CRACD: variants seen among roughly 807,000 people sequenced by gnomAD.
CRACD encodes the protein capping protein-inhibiting regulator of actin dynamics.
A neutral mutation model predicts 106.8 loss-of-function variants in CRACD; 56 were observed. The ratio of observed to expected loss-of-function variants is 0.52; its 90% CI spans 0.42 to 0.66. The LOEUF (loss-of-function observed/expected upper bound fraction) is 0.66. CRACD is among the 30% of genes least tolerant of loss of function. The pLI, the probability that CRACD is intolerant of heterozygous loss-of-function variation, is 0.00. For missense variants in CRACD, 1,730 were observed against 1,623.2 expected (o/e 1.07, Z -1.13); for synonymous variants, 754 against 670.8 (o/e 1.12, Z -1.92).
intron 2 of CRACD, among the ~76,000 whole-genome samples, chr4:56,218,781 T>G (rs949117140): frequency 6.6e-6 from 1 of 152,028 alleles, no homozygotes; most frequent in African/African-American, 2.4e-5. Flanking sequence ...CCTAGAAATT[T>G]TCTTCCTATG....
At chr4:56,295,855 T>C (rs1743991163) in intron 3 of CRACD, among the ~76,000 whole-genome samples, 1 of 152,020 alleles carries the variant, frequency 6.6e-6, no homozygotes, top group Non-Finnish European at 1.5e-5. Flanking sequence ...GTTTATTTCA[T>C]AACATTTTTA....
At chr4:56,189,667 C>A (rs1175769071) in intron 2 of CRACD, among the ~76,000 whole-genome samples, 1 of 149,340 alleles carries the variant, frequency 6.7e-6, no homozygotes, top group Non-Finnish European at 1.5e-5. Flanking sequence ...TTTGTCCTTG[C>A]AATAGTTTAC....
At chr4:56,244,363 T>C (rs1447454532) in intron 2 of CRACD, among the ~76,000 whole-genome samples, 6 of 152,170 alleles carry the variant, frequency 3.9e-5, no homozygotes, top group African/African-American at 7.2e-5. Flanking sequence ...CTGGATGACT[T>C]ATGCTACCAT....
intron 1 of CRACD, among the ~76,000 whole-genome samples, chr4:56,055,450 A>G (rs1414091342): frequency 2.6e-5 from 4 of 151,610 alleles, no homozygotes; most frequent in Admixed American, 2.6e-4. Flanking sequence ...AAGAGGAAAC[A>G]TTACTCCAAA....
In CRACD at chr4:56,049,230, GCCGC is replaced by G. The variant is rs1731779737; in HGVS notation, c.-397_-394del. The stretch of plus-strand genomic sequence containing the variant: ...TGCCGCGCGCAGTGCCGCCGAGTCC[GCCGC>G]CCGCCCGGGACCGCCGGTCGCCGGC... On this transcript the variant is annotated 5_prime_UTR_variant, in exon 1 of 11. The change creates a premature stop within an existing upstream ORF in the 5' untranslated region. Transcript: ENST00000682029. 6.6e-6 allele frequency: 1 copy of G among 150,718 alleles called. No homozygotes were observed. Among genetic ancestry groups the G allele is most frequent in the South Asian group, 2.1e-4 (1 of 4,838 alleles). 9.3% of individuals were successfully genotyped at this position (150,718 alleles called of 1,614,324 possible). A position where few individuals can be genotyped will look rare whatever the true frequency, so the allele number is the denominator to read the frequency against.
chr4:56,078,187 G>A (rs1273065850), intron 1 of CRACD, among the ~76,000 whole-genome samples: 1 of 151,890 alleles, frequency 6.6e-6, no homozygotes, highest in Non-Finnish European at 1.5e-5. Context: ...TTCTTTTTAA[G>A]AATTTCCTTT....
At chr4:56,082,555 A>C (rs935422626) in intron 1 of CRACD, among the ~76,000 whole-genome samples, 2 of 152,104 alleles carry the variant, frequency 1.3e-5, no homozygotes, top group Non-Finnish European at 2.9e-5. Context: ...AGATTTGTGT[A>C]TGTTTTGGGT....
At chr4:56,153,487 C>A (rs368922704) in intron 1 of CRACD, among the ~76,000 whole-genome samples, 1 of 152,138 alleles carries the variant, frequency 6.6e-6, no homozygotes, top group African/African-American at 2.4e-5. Context: ...TATGTCTTCA[C>A]GCTTCTCTCC....
chr4:56,314,102 A>T lies in CRACD; in HGVS notation c.600A>T (p.Pro200=). 6.2e-7 allele frequency: 1 copy of T among 1,614,208 alleles called. No individual in the cohort carries two copies. Among genetic ancestry groups the T allele is most frequent in the Non-Finnish European group, 8.5e-7 (1 of 1,180,044 alleles). ...CCTGCCTGGACCAGAACGGACACCC[A>T]GGCGAGGACAAGCCAACGTGGCACG... ...SRPCLDQNGH[P]GEDKPTWHEE... Residue 200 remains proline (P), a synonymous_variant, in exon 8 of 11, where the codon CCA becomes CCT. Transcript: ENST00000682029. This position sits in a 1 kb window ranked among gnomAD's most constrained non-coding sequence, Gnocchi z 4.4.
intron 1 of CRACD, among the ~76,000 whole-genome samples, chr4:56,132,939 C>T (rs1734877619): frequency 6.6e-6 from 1 of 152,150 alleles, no homozygotes; most frequent in Non-Finnish European, 1.5e-5. Context: ...ATTCAAAGGA[C>T]CTCTGTGAGG....
At chr4:56,076,482 C>T (rs1021557398) in intron 1 of CRACD, among the ~76,000 whole-genome samples, 4 of 152,094 alleles carry the variant, frequency 2.6e-5, no homozygotes, top group Admixed American at 6.6e-5. Flanking sequence ...ATGTTAAAGT[C>T]TTATGAATAA....
At chr4:56,299,793 C>T (rs1207117148) in intron 4 of CRACD, among the ~76,000 whole-genome samples, 2 of 151,138 alleles carry the variant, frequency 1.3e-5, no homozygotes, top group Non-Finnish European at 2.9e-5. Flanking sequence ...TGCTGGCTTC[C>T]ACCTGTCTGT....
intron 1 of CRACD, among the ~76,000 whole-genome samples, chr4:56,104,916 G>A (rs1166462942): frequency 6.7e-6 from 1 of 148,914 alleles, no homozygotes; most frequent in Non-Finnish European, 1.5e-5. Context: ...GCAATGAGCT[G>A]AGTTGGCGCC....
chr4:56,121,262 T>G (rs1734473082), intron 1 of CRACD, among the ~76,000 whole-genome samples: 1 of 152,226 alleles, frequency 6.6e-6, no homozygotes, highest in African/African-American at 2.4e-5. Context: ...AAATTTGCAC[T>G]TCTCAAGCAA....
At chr4:56,252,079 G>A (rs993917781) in intron 2 of CRACD, among the ~76,000 whole-genome samples, 2 of 152,104 alleles carry the variant, frequency 1.3e-5, no homozygotes, top group Non-Finnish European at 2.9e-5. Context: ...TATACTTAGT[G>A]TTACTAAGCA....
At chr4:56,309,322 T>C (rs911790001) in intron 5 of CRACD, among the ~76,000 whole-genome samples, 1 of 152,186 alleles carries the variant, frequency 6.6e-6, no homozygotes, top group Non-Finnish European at 1.5e-5. Context: ...AAGATTCTTC[T>C]AAGTGTGGTG....
At position 56,293,120 on chromosome 4, in the gene CRACD, G is replaced by A. The variant is rs569091175; in HGVS notation, c.-16-5094G>A. Among the ~76,000 whole-genome samples the A allele has an allele frequency of 3.0e-4, 45 of 152,264 alleles. 1 individual carries two copies. The highest frequency in any genetic ancestry group is 1.0e-3 in the African/African-American group (43 of 41,552). Reference sequence around the variant, plus strand: ...GATTGGACTTAAAGAGAAAATTAGTGAACTGGAAGCAGGTCCATAGAAATA... The same window carrying A: ...GATTGGACTTAAAGAGAAAATTAGTAAACTGGAAGCAGGTCCATAGAAATA... On this transcript the variant is annotated intron_variant, in intron 3 of 10. Transcript: ENST00000682029.
intron 1 of CRACD, among the ~76,000 whole-genome samples, chr4:56,141,682 A>ATTTTTTTT (rs1171920777): frequency 4.8e-5 from 4 of 82,652 alleles, no homozygotes; most frequent in African/African-American, 5.3e-5. Context: ...AGGAAGTACT[A>ATTTTTTTT]TTTTTTTTTT....
rs6823339 is a variant in CRACD at position 56,314,307 on chromosome 4, C to A, written c.805C>A (p.Leu269Ile). The A allele has an allele frequency of 0.39, 607,027 of 1,553,126 alleles. 121,917 individuals are homozygous for A. The highest frequency in any genetic ancestry group is 0.41 in the Non-Finnish European group (473,672 of 1,147,968). Residue 269 changes from leucine (L) to isoleucine (I), a missense_variant, in exon 8 of 11, where the codon CTC becomes ATC. Leu to Ile is a conservative substitution (Grantham distance 5, BLOSUM62 2). Around this residue, in one of 5 missense-constraint regions of CRACD, gnomAD observed 1,620 missense variants for 1,481.6 expected, o/e 1.09. Transcript: ENST00000682029. This position sits in a 1 kb window ranked among gnomAD's most constrained non-coding sequence, Gnocchi z 4.4. ...TTGGGAAGAGAACAGAAGGCAGGAG[C>A]TCTTGGAGGAGGAGGGCGAGGGGCA... The part of the protein sequence containing the change: ...RLWEENRRQE[L>I]LEEEGEGQEP...
Sources: gnomAD v4.1 joint callset for allele counts (sites outside exome capture counted in the v4.1 genomes callset) on GRCh38, gnomAD v4.1.1 for gene constraint, gnomAD v4.1.1 regional missense constraint, Gnocchi (gnomAD v3.1) non-coding constraint, MANE v1.5 for transcripts, NCBI Gene and HGNC (gene_info 2026-07-23, HGNC 2026-07-21) for gene names.